Variants in DDB1 observed in about 807,000 individuals in gnomAD.
DDB1 encodes DNA damage-binding protein 1.
In DDB1, 18 loss-of-function variants were observed where a neutral mutation model predicts 133.1. The observed-to-expected ratio is 0.14, with a 90% confidence interval of 0.09 to 0.20. The LOEUF is 0.20. DDB1 is among the 10% of genes least tolerant of loss of function. The probability of loss-of-function intolerance (pLI) is 1.00; values close to 1 mark genes in which losing one functional copy is unlikely to be tolerated. For synonymous variants in DDB1, 580 were observed against 550.5 expected (o/e 1.05, Z -0.75); for missense variants, 828 against 1,459.2 (o/e 0.57, Z 7.05).
chr11:61,318,317 G>A (rs115878996), intron 10 of DDB1, among the ~76,000 whole-genome samples: 2,628 of 152,236 alleles, frequency 0.017, 85 homozygotes, highest in African/African-American at 0.059. Context: ...TACATATAAA[G>A]GTCAGGTAGA....
Position 61,306,110 on chromosome 11 carries a change from A to G in DDB1, c.2662-2075T>C, listed in dbSNP as rs1346109994. Among the ~76,000 whole-genome samples, 4 of 152,006 alleles carry G rather than the reference A, an allele frequency of 2.6e-5. No individual in the cohort carries two copies. The South Asian group carries it at 6.2e-4, about 24-fold the overall frequency. On this transcript the variant is annotated intron_variant, in intron 21 of 26. Transcript: ENST00000301764. ...TTTCTATTGGCTGGCAACAGAACAG[A>G]TATGTCCTCACCTGACCTCAAATGC...
intron 9 of DDB1, 77 bp from the exon 10 acceptor site, chr11:61,321,774 A>G (rs1856184339): frequency 1.6e-6 from 2 of 1,254,390 alleles, no homozygotes; most frequent in African/African-American, 2.9e-5. Context: ...GAAAGTAAAC[A>G]CGGTATACCT....
At chr11:61,317,004 T>G (rs1397782460) in intron 10 of DDB1, among the ~76,000 whole-genome samples, 6 of 102,306 alleles carry the variant, frequency 5.9e-5, no homozygotes, top group Non-Finnish European at 1.0e-4. Context: ...TATATAGACA[T>G]GGCAGCCTGA....
At chr11:61,313,418 G>C in intron 16 of DDB1, 81 bp downstream of exon 16, 5 of 1,296,780 alleles carry the variant, frequency 3.9e-6, no homozygotes, top group Non-Finnish European at 5.4e-6. Flanking sequence ...ACCGGAAAAA[G>C]GCTTTGAGGT....
In DDB1 at chr11:61,312,181, C is replaced by T. The variant is rs551686520; in HGVS notation, c.2070-97G>A. 7 of 1,069,466 alleles carry T rather than the reference C, an allele frequency of 6.5e-6. No homozygotes were observed. In the South Asian group the frequency reaches 7.7e-5, roughly 12 times the overall value. The allele number at this position is 1,069,466 out of a possible 1,614,324, so 66.2% of individuals were successfully genotyped here. A position where few individuals can be genotyped will look rare whatever the true frequency, so the allele number is the denominator to read the frequency against. On this transcript the variant is annotated intron_variant, in intron 16 of 26. Coordinates refer to ENST00000301764, the MANE Select transcript of DDB1 (RefSeq NM_001923.5). Reference sequence around the variant, plus strand: ...GAGGAAGAAAAACAAGGCAGGATTACACCAGCTTTGACTCCATGCTAAACA... The same window carrying T: ...GAGGAAGAAAAACAAGGCAGGATTATACCAGCTTTGACTCCATGCTAAACA...
intron 21 of DDB1, among the ~76,000 whole-genome samples, chr11:61,307,954 A>T (rs1855903564): frequency 6.6e-6 from 1 of 152,070 alleles, no homozygotes; most frequent in Admixed American, 6.6e-5. Context: ...GCAACCACCG[A>T]ATGCATCCAG....
chr11:61,301,984 G>A (rs1455459949), intron 25 of DDB1: 1 of 307,054 alleles, frequency 3.3e-6, no homozygotes, highest in Non-Finnish European at 6.2e-6. Context: ...ACACCGAGAG[G>A]GCCAGAGGCG....
Position 61,330,006 on chromosome 11 carries a change from C to T in DDB1, c.279G>A (p.Gln93=). 1 of 1,614,106 alleles carries T rather than the reference C, an allele frequency of 6.2e-7. No individual in the cohort carries two copies. The highest frequency in any genetic ancestry group is 8.5e-7 in the Non-Finnish European group (1 of 1,179,942). ...TAATGATGTCAATGCTCTCGCCACT[C>T]TGTTTATACTCCAGGATGCAGGCAT... The part of the protein sequence containing the change: ...KYNACILEYK[Q]SGESIDIITR... The change falls in exon 3 of 27, where the codon CAG becomes CAA. Residue 93 remains glutamine, a synonymous_variant. Coordinates refer to ENST00000301764, the MANE Select transcript of DDB1 (RefSeq NM_001923.5).
chr11:61,322,769 G>A (rs994144287), intron 8 of DDB1: 2 of 552,786 alleles, frequency 3.6e-6, no homozygotes, highest in Admixed American at 3.2e-5. Context: ...TTGAAGGTAG[G>A]AGCTGGGTCT....
rs1371248593 is a variant in DDB1, at chr11:61,312,057, G to A, written c.2097C>T (p.Leu699=). 5 of 1,614,118 alleles carry A rather than the reference G, an allele frequency of 3.1e-6. No individual in the cohort carries two copies. The highest frequency in any genetic ancestry group is 1.3e-5 in the African/African-American group (1 of 74,934). ...DSLALANNST[L]TIGTIDEIQK... is the part of the protein sequence containing the mutation. ...GGATCTCATCGATGGTGCCAATGGT[G>A]AGGGTGCTATTGTTGGCCAGCGCCA... The change falls in exon 17 of 27, where the codon CTC becomes CTT. Residue 699 remains leucine, a synonymous_variant. Transcript: ENST00000301764.
At chr11:61,321,309 C>G (rs1476750437) in intron 10 of DDB1, 1 of 244,552 alleles carries the variant, frequency 4.1e-6, no homozygotes, top group African/African-American at 2.2e-5. Context: ...TTTATGAATT[C>G]TATCGGTTGC....
At chr11:61,316,998 T>TATATGGAC (rs1565034349) in intron 10 of DDB1, among the ~76,000 whole-genome samples, 15 of 92,170 alleles carry the variant, frequency 1.6e-4, no homozygotes, top group Non-Finnish European at 3.3e-4. Flanking sequence ...TATATATATA[T>TATATGGAC]AGACATGGCA....
chr11:61,316,386 T>C lies in DDB1; in HGVS notation c.1309A>G (p.Met437Val), dbSNP rs1856066937. Residue 437 changes from methionine to valine, a missense_variant, in exon 12 of 27, where the codon ATG becomes GTG. Transcript: ENST00000301764. ...TCTTCTACCTCCTCTCCATTTAACA[T>C]GAGAACTCTGCAGCAGAATGGAGGG... ...LSFVGQTRVL[M>V]LNGEEVEETE... is the part of the protein sequence containing the mutation. 9 of 1,613,948 alleles carry C rather than the reference T, an allele frequency of 5.6e-6. No homozygotes were observed. The highest frequency in any genetic ancestry group is 1.7e-5 in the Admixed American group (1 of 60,000).
intron 6 of DDB1, 63 bp downstream of exon 6, chr11:61,325,548 G>A: frequency 7.4e-7 from 1 of 1,352,704 alleles, no homozygotes; most frequent in Non-Finnish European, 1.0e-6. Flanking sequence ...AAGAGAAAGG[G>A]AGGAGCAAGG....
chr11:61,331,632 T>A lies in DDB1; in HGVS notation c.121A>T (p.Ile41Phe). 6.2e-7 allele frequency: 1 copy of A among 1,614,058 alleles called. No homozygotes were observed. The highest frequency in any genetic ancestry group is 1.1e-5 in the South Asian group (1 of 91,078). Reference protein sequence around the residue: ...LLIAKNTRLEIYVVTAEGLRP... With the variant: ...LLIAKNTRLEFYVVTAEGLRP... ...AGCCCCTCGGCGGTGACCACATAGA[T>A]CTCTAATCTCGTGTTTTTGGCAATC... is the stretch of plus-strand genomic sequence containing the variant. Residue 41 changes from isoleucine to phenylalanine, a missense_variant, in exon 2 of 27, where the codon ATC becomes TTC. By Grantham distance (21) the Ile-to-Phe change is conservative. Coordinates refer to ENST00000301764, the MANE Select transcript of DDB1 (RefSeq NM_001923.5).
intron 10 of DDB1, among the ~76,000 whole-genome samples, chr11:61,318,244 T>C (rs952068058): frequency 6.6e-6 from 1 of 152,228 alleles, no homozygotes; most frequent in African/African-American, 2.4e-5. Flanking sequence ...ATTATATTTA[T>C]TCAGTATTTT....
chr11:61,316,952 T>C (rs1175919460), intron 10 of DDB1, among the ~76,000 whole-genome samples: 255 of 6,948 alleles, frequency 0.037, 39 homozygotes, highest in Middle Eastern at 0.094. Context: ...GATAGATATA[T>C]ATATATATAT....
Position 61,303,847 on chromosome 11 carries a change from T to TC in DDB1, c.2832+17dup, listed in dbSNP as rs552730880. On this transcript the variant is annotated intron_variant, in intron 22 of 26. Coordinates refer to ENST00000301764, the MANE Select transcript of DDB1 (RefSeq NM_001923.5). ...GGCTCAAGCAAGAAGTCTGCTCGCA[T>TC]CCCCCCACCAGCATCACCTCTTCAA... 32 of 1,611,238 alleles carry TC rather than the reference T, an allele frequency of 2.0e-5. No homozygotes were observed. The highest frequency in any genetic ancestry group is 2.6e-5 in the Non-Finnish European group (31 of 1,178,542).
At chr11:61,315,541 T>C (rs1856048813) in intron 12 of DDB1, 1 of 152,042 alleles carries the variant, frequency 6.6e-6, no homozygotes, top group Non-Finnish European at 1.5e-5. Flanking sequence ...GAAAACCAGG[T>C]GGATAAAAAG....
Sources: gnomAD v4.1 joint callset for allele counts (sites outside exome capture counted in the v4.1 genomes callset) on GRCh38, gnomAD v4.1.1 for gene constraint, MANE v1.5 for transcripts, NCBI Gene and HGNC (gene_info 2026-07-23, HGNC 2026-07-21) for gene names.